Variants in CYP3A5 observed in about 807,000 individuals in gnomAD.
The protein encoded by CYP3A5 is cytochrome P450 3A5.
Under a neutral mutation model 55.9 loss-of-function variants are expected in CYP3A5, and 51 were observed. The ratio of observed to expected loss-of-function variants is 0.91; its 90% confidence interval spans 0.73 to 1.15. The LOEUF is 1.15. CYP3A5 is among the 50% of genes most tolerant of loss of function. CYP3A5 has a pLI of 0.00. For missense variants in CYP3A5, 533 were observed against 596.6 expected, an observed-to-expected ratio of 0.89 and a Z score of 1.11; for synonymous variants, 196 against 213.9, an observed-to-expected ratio of 0.92 and a Z score of 0.73.
Position 99,664,105 on chromosome 7 carries a change from A to T in CYP3A5, c.671-10T>A. 6.4e-7 allele frequency: 1 copy of T among 1,551,756 alleles called. No individual in the cohort carries two copies. Among genetic ancestry groups the T allele is most frequent in the Non-Finnish European group, 8.6e-7 (1 of 1,158,052 alleles). On this transcript the variant is annotated splice_polypyrimidine_tract_variant and intron_variant, in intron 7 of 12. Transcript: ENST00000222982. ...AGGAATGGAAAGAGTACTGTGGGAA[A>T]AACAAAACAAACAAAAGGAAATCAT...
rs1171933973 is a variant in CYP3A5, at chr7:99,671,834, G to C, written c.318+746C>G. ...GGACAGCAGGAGGGAGCCACATGGT[G>C]ACGGAATGGGTCTGCATCTTGATGG... is the stretch of plus-strand genomic sequence containing the variant. On this transcript the variant is annotated intron_variant, in intron 4 of 12. Coordinates refer to ENST00000222982, the MANE Select transcript of CYP3A5 (RefSeq NM_000777.5). 4 of 702,852 alleles carry C rather than the reference G, an allele frequency of 5.7e-6. No individual in the cohort carries two copies. In the African/African-American group the frequency reaches 7.0e-5, roughly 12 times the overall value. 43.5% of individuals were successfully genotyped at this position (702,852 alleles called of 1,614,324 possible).
intron 4 of CYP3A5, among the ~76,000 whole-genome samples, chr7:99,667,845 G>T (rs1811193326): frequency 6.6e-6 from 1 of 152,140 alleles, no homozygotes; most frequent in Non-Finnish European, 1.5e-5. Flanking sequence ...CACATTTAAT[G>T]ATGAAGGACT....
At position 99,672,866 on chromosome 7, in the gene CYP3A5, C is replaced by A. The variant is rs1375479329; in HGVS notation, c.219-187G>T. On this transcript the variant is annotated intron_variant, in intron 3 of 12. Transcript: ENST00000222982. ...AGCAAGAGTCTCACACAGGAGCCAC[C>A]CAAGGCTTCATATGATGAAGGGTAA... The A allele has an allele frequency of 2.9e-6, 4 of 1,399,330 alleles. No individual in the cohort carries two copies. The African/African-American group carries it at 5.8e-5, about 20-fold the overall frequency. 86.7% of individuals were successfully genotyped at this position (1,399,330 alleles called of 1,614,324 possible).
At chr7:99,656,207 G>T (rs142951590) in intron 10 of CYP3A5, among the ~76,000 whole-genome samples, 1 of 152,136 alleles carries the variant, frequency 6.6e-6, no homozygotes, top group Admixed American at 6.5e-5. Context: ...TATGATATTG[G>T]CTGTGGGTTT....
At chr7:99,659,616 A>G (rs1246379837) in intron 10 of CYP3A5, 1 of 152,562 alleles carries the variant, frequency 6.6e-6, no homozygotes, top group Non-Finnish European at 1.5e-5. Flanking sequence ...AGACAGGGAC[A>G]TTTAAGTCTG....
chr7:99,651,027 G>A (rs957008933), intron 11 of CYP3A5, among the ~76,000 whole-genome samples: 8 of 152,194 alleles, frequency 5.3e-5, no homozygotes, highest in Non-Finnish European at 1.0e-4. Flanking sequence ...GTTGTCATAT[G>A]TTTTTACAGG....
At chr7:99,674,279 T>C (rs1811999383) in intron 3 of CYP3A5, 1 of 357,530 alleles carries the variant, frequency 2.8e-6, no homozygotes. Flanking sequence ...ATGAGATTCT[T>C]CTCATATTTT....
chr7:99,678,234 C>T (rs1019799321), intron 1 of CYP3A5, among the ~76,000 whole-genome samples: 2 of 152,214 alleles, frequency 1.3e-5, no homozygotes, highest in Non-Finnish European at 2.9e-5. Flanking sequence ...TGTGTCCAGG[C>T]TTGAAGCAGA....
At chr7:99,664,913 T>C (rs1810830409) in intron 7 of CYP3A5, among the ~76,000 whole-genome samples, 2 of 152,164 alleles carry the variant, frequency 1.3e-5, no homozygotes, top group Non-Finnish European at 1.5e-5. Context: ...GGCAAATCTA[T>C]AGAGGCAGAA....
intron 11 of CYP3A5, among the ~76,000 whole-genome samples, chr7:99,650,999 GAA>G (rs890596643): frequency 3.8e-4 from 58 of 152,316 alleles, no homozygotes; most frequent in African/African-American, 1.2e-3. Flanking sequence ...TTGATTCAAA[GAA>G]AGTAATAATG....
At chr7:99,679,798 A>C in intron 1 of CYP3A5, 28 bp downstream of exon 1, 1 of 1,612,516 alleles carries the variant, frequency 6.2e-7, no homozygotes. Flanking sequence ...CCAAGGAAAC[A>C]AAGAGAGGAG....
rs1237588112 is a variant in CYP3A5 at position 99,660,544 on chromosome 7, G to T, written c.981C>A (p.Val327=). 6.8e-6 allele frequency: 11 copies of T among 1,613,760 alleles called. No individual in the cohort carries two copies. The South Asian group carries it at 1.1e-4, about 16-fold the overall frequency. Residue 327 remains valine (V), a synonymous_variant, in exon 10 of 13, where the codon GTC becomes GTA. Transcript: ENST00000222982. ...CAATCTCCTTTTGCAGTTTCTGCTG[G>T]ACATCAGGGTGAGTGGCCAGTTCAT... ...TLYELATHPD[V]QQKLQKEIDA... is the part of the protein sequence containing the mutation.
At chr7:99,674,475 G>C in intron 3 of CYP3A5, 58 bp downstream of exon 3, 1 of 1,397,554 alleles carries the variant, frequency 7.2e-7, no homozygotes, top group Non-Finnish European at 1.0e-6. Context: ...CTATCCTGCA[G>C]TGGGGTAACC....
At chr7:99,675,840 T>C (rs1476967913) in intron 2 of CYP3A5, among the ~76,000 whole-genome samples, 1 of 149,272 alleles carries the variant, frequency 6.7e-6, no homozygotes, top group East Asian at 2.0e-4. Flanking sequence ...ACTACAGGCA[T>C]GGGCTACCAT....
At chr7:99,670,990 C>G (rs2151438205) in intron 4 of CYP3A5, 1 of 152,214 alleles carries the variant, frequency 6.6e-6, no homozygotes, top group East Asian at 1.9e-4. Flanking sequence ...TGATTGCAAA[C>G]TTGGAACCTG....
intron 1 of CYP3A5, chr7:99,677,149 A>G (rs746264801): frequency 2.4e-4 from 233 of 985,062 alleles, no homozygotes; most frequent in Non-Finnish European, 2.7e-4. Flanking sequence ...CCTGGAACTC[A>G]TCTTTCATGA....
At chr7:99,663,940 T>G in intron 8 of CYP3A5, 28 bp downstream of exon 8, 2 of 1,561,394 alleles carry the variant, frequency 1.3e-6, no homozygotes, top group Non-Finnish European at 1.7e-6. Context: ...AACCTAAACA[T>G]CGTCATTTAA....
chr7:99,678,432 C>A (rs1000610190), intron 1 of CYP3A5, among the ~76,000 whole-genome samples: 1 of 152,188 alleles, frequency 6.6e-6, no homozygotes, highest in Non-Finnish European at 1.5e-5. Flanking sequence ...GAGTTTAAGA[C>A]AATCTGCTAA....
chr7:99,671,892 A>T (rs1226376261), intron 4 of CYP3A5: 2 of 701,554 alleles, frequency 2.9e-6, no homozygotes, highest in African/African-American at 3.5e-5. Flanking sequence ...CGAATGTGAA[A>T]AATTGCTTAG....
Sources: gnomAD v4.1 joint callset for allele counts (sites outside exome capture counted in the v4.1 genomes callset) on GRCh38, gnomAD v4.1.1 for gene constraint, MANE v1.5 for transcripts, NCBI Gene and HGNC (gene_info 2026-07-23, HGNC 2026-07-21) for gene names.